PCDHGB1: variants seen among roughly 807,000 people sequenced by gnomAD.
The protein encoded by PCDHGB1 is protocadherin gamma subfamily B, 1, also known as protocadherin gamma-B1.
PCDHGB1 carries 34 observed loss-of-function variants against 56.6 expected under a neutral mutation model. The ratio of observed to expected loss-of-function variants is 0.60; its 90% CI spans 0.46 to 0.80. The LOEUF (loss-of-function observed/expected upper bound fraction) is 0.80. Ranked by LOEUF, PCDHGB1 falls within the 30% of genes least tolerant of loss-of-function variation. PCDHGB1 has a pLI of 0.00. For missense variants in PCDHGB1, 1,278 were observed against 1,204.6 expected, an observed-to-expected ratio of 1.06 and a Z score of -0.90; for synonymous variants, 561 against 505.9, an observed-to-expected ratio of 1.11 and a Z score of -1.46.
At chr5:141,469,548 C>A (rs2099204726) in intron 1 of PCDHGB1, among the ~76,000 whole-genome samples, 1 of 152,212 alleles carries the variant, frequency 6.6e-6, no homozygotes, top group East Asian at 1.9e-4. Context: ...GCACTCCAGC[C>A]TGGCGACAGA....
intron 1 of PCDHGB1, chr5:141,394,467 G>C (rs558211393): frequency 3.1e-6 from 5 of 1,614,120 alleles, no homozygotes; most frequent in African/African-American, 1.3e-5. Context: ...GAGCCTGTTC[G>C]TGCTGGACCA....
intron 1 of PCDHGB1, chr5:141,413,978 T>C (rs2095697435): frequency 1.2e-6 from 2 of 1,613,414 alleles, no homozygotes; most frequent in Non-Finnish European, 8.5e-7. Flanking sequence ...CTGCTGACAG[T>C]CACAGCCACC....
At chr5:141,422,280 C>G (rs748287385) in intron 1 of PCDHGB1, 9 of 1,557,754 alleles carry the variant, frequency 5.8e-6, no homozygotes, top group Non-Finnish European at 7.8e-6. Flanking sequence ...TAACTATCAC[C>G]TCTTCTATTA....
rs144613597 is a variant in PCDHGB1, at chr5:141,483,029, G to A, written c.2410-11778G>A. 3.9e-3 allele frequency among the ~76,000 whole-genome samples: 588 copies of A among 152,220 alleles called. 6 individuals are homozygous for A. Among genetic ancestry groups the A allele is most frequent in the Admixed American group, 0.011 (169 of 15,280 alleles). ...GAACCCGGGAGGCAGAGGTTGCAAT[G>A]AGCTGGTGTCAGGCCACTGCACTCC... On this transcript the variant is annotated intron_variant, in intron 1 of 3. Transcript: ENST00000523390.
In PCDHGB1 at chr5:141,388,019, C is replaced by T. The variant is rs1218468252; in HGVS notation, c.2409+35350C>T. On this transcript the variant is annotated intron_variant, in intron 1 of 3. Transcript: ENST00000523390. ...TTCCCGAGGAAATGCCCAAGGGCTC[C>T]GTAGTGGGGAACCTCGCCACGGACC... 4.1e-6 allele frequency: 6 copies of T among 1,458,652 alleles called. 1 individual carries two copies. The highest frequency in any genetic ancestry group is 2.4e-4 in the Middle Eastern group (1 of 4,164). 90.4% of individuals were successfully genotyped at this position (1,458,652 alleles called of 1,614,324 possible). A position where few individuals can be genotyped will look rare whatever the true frequency, so the allele number is the denominator to read the frequency against.
At chr5:141,470,872 T>TTTTTTG (rs900302332) in intron 1 of PCDHGB1, among the ~76,000 whole-genome samples, 2 of 151,814 alleles carry the variant, frequency 1.3e-5, no homozygotes, top group Admixed American at 1.3e-4. Context: ...GTTTGTTTGT[T>TTTTTTG]TTTTTGTTTT....
intron 1 of PCDHGB1, chr5:141,416,674 G>T (rs547618174): frequency 6.6e-6 from 1 of 152,132 alleles, no homozygotes; most frequent in Non-Finnish European, 1.5e-5. Context: ...TATATGCAAC[G>T]AAGGGAAATT....
chr5:141,399,519 G>A (rs1467117930), intron 1 of PCDHGB1: 2 of 1,614,036 alleles, frequency 1.2e-6, no homozygotes, highest in Non-Finnish European at 1.7e-6. Context: ...ACCCTCCTGG[G>A]GCCTCCATCG....
At chr5:141,467,055 CTT>C (rs1193465269) in intron 1 of PCDHGB1, among the ~76,000 whole-genome samples, 47 of 134,388 alleles carry the variant, frequency 3.5e-4, no homozygotes, top group Admixed American at 6.0e-4. Context: ...TCAATGTTTT[CTT>C]TTTTTTTTTT....
intron 1 of PCDHGB1, chr5:141,389,169 C>G: frequency 6.2e-7 from 1 of 1,614,028 alleles, no homozygotes; most frequent in African/African-American, 1.3e-5. Flanking sequence ...GGGCAAGCCT[C>G]CCCTCTCCTC....
At chr5:141,399,822 C>G (rs755182775) in intron 1 of PCDHGB1, 6 of 1,613,084 alleles carry the variant, frequency 3.7e-6, no homozygotes, top group East Asian at 2.2e-5. Context: ...CGCTGGGTCC[C>G]GACGGCTCTG....
chr5:141,427,712 C>T, intron 1 of PCDHGB1: 2 of 1,051,468 alleles, frequency 1.9e-6, no homozygotes, highest in African/African-American at 1.6e-5. Context: ...GCGCCTCTGA[C>T]CTGGACCTAG....
chr5:141,419,435 C>T, intron 1 of PCDHGB1: 1 of 1,613,226 alleles, frequency 6.2e-7, no homozygotes, highest in Non-Finnish European at 8.5e-7. Context: ...CGAGCAGCTG[C>T]GCACCTTCGA....
intron 1 of PCDHGB1, chr5:141,394,033 G>C (rs1242755844): frequency 1.2e-6 from 2 of 1,613,422 alleles, no homozygotes; most frequent in Non-Finnish European, 1.7e-6. Context: ...TTAGTGACAA[G>C]GAAATATTTG....
intron 1 of PCDHGB1, among the ~76,000 whole-genome samples, chr5:141,433,790 T>A (rs1052636810): frequency 2.0e-5 from 3 of 151,564 alleles, no homozygotes; most frequent in South Asian, 4.2e-4. Flanking sequence ...TGAGCTGAGA[T>A]TGTGCCATTG....
At chr5:141,418,987 A>T (rs1244429131) in intron 1 of PCDHGB1, 2 of 1,613,856 alleles carry the variant, frequency 1.2e-6, no homozygotes, top group Non-Finnish European at 1.7e-6. Flanking sequence ...ACCAAGACTC[A>T]GGGGAAAATG....
rs186005750 is a variant in PCDHGB1, at chr5:141,351,541, C to T, written c.1281C>T (p.Ala427=). Reference sequence around the variant, plus strand: ...TAGCCACCGACAAGGGCAAACCAGCCCTTTCCTCCAGGACAAGCATCACCC... The same window carrying T: ...TAGCCACCGACAAGGGCAAACCAGCTCTTTCCTCCAGGACAAGCATCACCC... The part of the protein sequence containing the change: ...TIIATDKGKP[A]LSSRTSITLH... Residue 427 remains alanine, a synonymous_variant, in exon 1 of 4, where the codon GCC becomes GCT. Transcript: ENST00000523390. 154 of 1,614,046 alleles carry T rather than the reference C, an allele frequency of 9.5e-5. 1 individual carries two copies. The East Asian group carries it at 1.2e-3, about 12-fold the overall frequency.
chr5:141,352,967 G>A (rs767244188), intron 1 of PCDHGB1, among the ~76,000 whole-genome samples: 2 of 152,168 alleles, frequency 1.3e-5, no homozygotes, highest in Non-Finnish European at 2.9e-5. Context: ...CAGCCTGGGT[G>A]ATGGGAGGGA....
At chr5:141,365,390 A>G in intron 1 of PCDHGB1, 1 of 1,613,968 alleles carries the variant, frequency 6.2e-7, no homozygotes, top group Non-Finnish European at 8.5e-7. Flanking sequence ...CTCTCTGACC[A>G]GTTCGATCTC....
Sources: gnomAD v4.1 joint callset for allele counts (sites outside exome capture counted in the v4.1 genomes callset) on GRCh38, gnomAD v4.1.1 for gene constraint, MANE v1.5 for transcripts, NCBI Gene and HGNC (gene_info 2026-07-23, HGNC 2026-07-21) for gene names.